Variants in HEMK2 observed in about 807,000 individuals in gnomAD.
HEMK2 encodes the protein HemK methyltransferase 2, ETF1 glutamine and histone H4 lysine.
the HEMK2 span, among the ~76,000 whole-genome samples, chr21:28,629,275 T>G: frequency 6.9e-3 from 1,047 of 152,268 alleles, 15 homozygotes; most frequent in African/African-American, 0.024. Context: ...AGGAGGTGGG[T>G]GGCAAATTAT....
At chr21:28,768,403 A>C in the HEMK2 span, among the ~76,000 whole-genome samples, 49,504 of 151,884 alleles carry the variant, frequency 0.33, 8,173 homozygotes, top group Middle Eastern at 0.44. Context: ...ACCTTATTTC[A>C]TGGATTGGCC....
chr21:28,849,681 C>T, the HEMK2 span, among the ~76,000 whole-genome samples: 3 of 152,014 alleles, frequency 2.0e-5, no homozygotes, highest in Non-Finnish European at 4.4e-5. Context: ...AAAAAAGAAA[C>T]GGATCTGATA....
chr21:28,841,277 T>A, the HEMK2 span, among the ~76,000 whole-genome samples: 37 of 5,130 alleles, frequency 7.2e-3, 2 homozygotes, highest in African/African-American at 0.06. Context: ...ATATTATATA[T>A]TATATATAAT....
At chr21:28,633,160 G>A in the HEMK2 span, among the ~76,000 whole-genome samples, 2 of 152,186 alleles carry the variant, frequency 1.3e-5, no homozygotes, top group African/African-American at 4.8e-5. Context: ...CAGGTGGCCT[G>A]AGAGGAAGCA....
chr21:28,628,579 G>C, the HEMK2 span, among the ~76,000 whole-genome samples: 1 of 152,036 alleles, frequency 6.6e-6, no homozygotes, highest in African/African-American at 2.4e-5. Context: ...AGCCTCCCAA[G>C]CTAGCTGGAA....
chr21:28,593,831 T>A, the HEMK2 span, among the ~76,000 whole-genome samples: 1 of 152,246 alleles, frequency 6.6e-6, no homozygotes, highest in Middle Eastern at 3.4e-3. Context: ...TAGACAAATC[T>A]CTCTTGCAGA....
the HEMK2 span, among the ~76,000 whole-genome samples, chr21:28,607,125 T>A: frequency 6.6e-6 from 1 of 152,128 alleles, no homozygotes; most frequent in African/African-American, 2.4e-5. Flanking sequence ...AAACATTGTT[T>A]GAGGGCCGGG....
chr21:28,872,664 C>T, the HEMK2 span: 1 of 152,168 alleles, frequency 6.6e-6, no homozygotes. Context: ...AAGCTGGAGA[C>T]CCAGGAAGGC....
chr21:28,697,832 T>G, the HEMK2 span, among the ~76,000 whole-genome samples: 12 of 149,748 alleles, frequency 8.0e-5, no homozygotes, highest in African/African-American at 3.0e-4. Context: ...GTCTCGGGTA[T>G]TCCTTTAGCT....
the HEMK2 span, among the ~76,000 whole-genome samples, chr21:28,598,512 A>G: frequency 6.6e-6 from 1 of 151,576 alleles, no homozygotes; most frequent in Non-Finnish European, 1.5e-5. Context: ...CAACCATGCA[A>G]CTCCCCTGTG....
chr21:28,834,228 G>C, the HEMK2 span, among the ~76,000 whole-genome samples: 1 of 152,166 alleles, frequency 6.6e-6, no homozygotes, highest in African/African-American at 2.4e-5. Context: ...TTTAGCTCCA[G>C]ATCAACTGCA....
the HEMK2 span, among the ~76,000 whole-genome samples, chr21:28,588,575 AAGTC>A: frequency 6.6e-6 from 1 of 152,198 alleles, no homozygotes; most frequent in Admixed American, 6.5e-5. Flanking sequence ...CAAAAGAAGA[AAGTC>A]AGTCGATTGA....
At chr21:28,750,439 C>A in the HEMK2 span, among the ~76,000 whole-genome samples, 1 of 152,012 alleles carries the variant, frequency 6.6e-6, no homozygotes. Flanking sequence ...TGACTCATAC[C>A]TGTAATCCCA....
chr21:28,869,400 G>A, the HEMK2 span, among the ~76,000 whole-genome samples: 1 of 151,948 alleles, frequency 6.6e-6, no homozygotes, highest in African/African-American at 2.4e-5. Flanking sequence ...CTATGTGAAT[G>A]TGGTTGGCCT....
chr21:28,829,376 G>A, the HEMK2 span, among the ~76,000 whole-genome samples: 2 of 152,316 alleles, frequency 1.3e-5, no homozygotes, highest in Admixed American at 1.3e-4. Context: ...ATTAGAACAT[G>A]AGGGCTCTGC....
chr21:28,649,867 A>AAATTTTTACTT, the HEMK2 span, among the ~76,000 whole-genome samples: 12 of 152,294 alleles, frequency 7.9e-5, no homozygotes, highest in Admixed American at 2.0e-4. Context: ...AAATAATAAA[A>AAATTTTTACTT]TTTTTACTTT....
the HEMK2 span, among the ~76,000 whole-genome samples, chr21:28,647,476 C>A: frequency 2.8e-5 from 4 of 144,690 alleles, no homozygotes; most frequent in Non-Finnish European, 6.0e-5. Flanking sequence ...CCACTGCATT[C>A]CAGCCTGGGC....
chr21:28,679,369 C>T, the HEMK2 span, among the ~76,000 whole-genome samples: 1 of 152,102 alleles, frequency 6.6e-6, no homozygotes, highest in African/African-American at 2.4e-5. Context: ...ATGCATCCAA[C>T]ACAAGAGCAC....
At chr21:28,628,713 C>G in the HEMK2 span, among the ~76,000 whole-genome samples, 1 of 152,208 alleles carries the variant, frequency 6.6e-6, no homozygotes, top group African/African-American at 2.4e-5. Flanking sequence ...CTTGGCCTCC[C>G]AAAGTGTTGG....
Sources: gnomAD v4.1 joint callset for allele counts (sites outside exome capture counted in the v4.1 genomes callset) on GRCh38, gnomAD v4.1.1 for gene constraint, MANE v1.5 for transcripts, NCBI Gene and HGNC (gene_info 2026-07-23, HGNC 2026-07-21) for gene names.